Variants in PDPR observed in about 807,000 individuals in gnomAD.
The protein encoded by PDPR is pyruvate dehydrogenase phosphatase regulatory subunit.
In PDPR, 50 loss-of-function variants were observed where a neutral mutation model predicts 102.2. The observed-to-expected ratio is 0.49, with a 90% CI of 0.39 to 0.62. The LOEUF (loss-of-function observed/expected upper bound fraction) is 0.62. Among genes scored for constraint, PDPR ranks in the 20% least tolerant of loss-of-function variants. PDPR has a pLI of 0.00. For synonymous variants in PDPR, 259 were observed against 406.0 expected, an observed-to-expected ratio of 0.64 and a Z score of 4.35; for missense variants, 625 against 1,098.2, an observed-to-expected ratio of 0.57 and a Z score of 6.09.
chr16:70,149,580 C>T (rs1248404472), intron 17 of PDPR, among the ~76,000 whole-genome samples: 2 of 152,190 alleles, frequency 1.3e-5, no homozygotes, highest in Admixed American at 6.5e-5. Flanking sequence ...TTCACAATTT[C>T]TCTTAGAGCT....
rs1597380035 is a variant in PDPR, at chr16:70,153,072, G to A, written c.2053-319G>A. ...CTGTTTTAGAAATGATGATGAGATT[G>A]GCCATTTACCAAATGGTGAGAGAGC... On this transcript the variant is annotated intron_variant, in intron 17 of 18. Transcript: ENST00000288050. Among the ~76,000 whole-genome samples the A allele has an allele frequency of 3.3e-5, 5 of 152,286 alleles. No homozygotes were observed. The South Asian group carries it at 1.0e-3, about 31-fold the overall frequency.
intron 9 of PDPR, among the ~76,000 whole-genome samples, chr16:70,133,790 A>G (rs1490301800): frequency 2.0e-5 from 3 of 149,994 alleles, no homozygotes; most frequent in South Asian, 4.2e-4. Context: ...CTCAAGTGCA[A>G]TGGTGCGATC....
chr16:70,152,862 C>G (rs964078557), intron 17 of PDPR, among the ~76,000 whole-genome samples: 6 of 152,286 alleles, frequency 3.9e-5, no homozygotes, highest in Non-Finnish European at 5.9e-5. Flanking sequence ...TGCTGTGGGA[C>G]ATGAGCAGGC....
intron 18 of PDPR, among the ~76,000 whole-genome samples, chr16:70,153,907 C>T (rs558364067): frequency 4.1e-4 from 62 of 152,312 alleles, no homozygotes; most frequent in African/African-American, 1.2e-3. Context: ...AGGCCGGGCA[C>T]GGTGGCTCAC....
rs2287981 is a variant in PDPR at position 70,153,647 on chromosome 16, A to G, written c.2235+74A>G. 2.3e-5 allele frequency: 32 copies of G among 1,407,240 alleles called. No individual in the cohort carries two copies. In the East Asian group the frequency reaches 8.1e-4, roughly 36 times the overall value. 87.2% of individuals were successfully genotyped at this position (1,407,240 alleles called of 1,614,324 possible). ...AATCTGCACTAGACTAGGAAGAAGA[A>G]CTGATGTGACAGGAAAAGGGGGAAA... On this transcript the variant is annotated intron_variant, in intron 18 of 18. Coordinates refer to ENST00000288050, the MANE Select transcript of PDPR (RefSeq NM_017990.5).
In PDPR at chr16:70,162,425, T is replaced by TA. The variant is rs1967879891; in HGVS notation, c.*5546_*5547insA. ...CAGGGTGACCGAGCATTTCTGCCCCTGTGAATGTGGCACTAACACTGTGCA... is the reference window on the plus strand; with the variant it reads ...CAGGGTGACCGAGCATTTCTGCCCCTAGTGAATGTGGCACTAACACTGTGCA... On this transcript the variant is annotated 3_prime_UTR_variant, in exon 19 of 19. Transcript: ENST00000288050. 3.3e-5 allele frequency: 5 copies of TA among 152,582 alleles called. No homozygotes were observed. In the South Asian group the frequency reaches 1.0e-3, roughly 32 times the overall value. The allele number at this position is 152,582 out of a possible 1,614,324, so 9.5% of individuals were successfully genotyped here.
intron 3 of PDPR, among the ~76,000 whole-genome samples, chr16:70,126,357 A>G (rs1475692666): frequency 1.3e-5 from 2 of 152,166 alleles, no homozygotes; most frequent in Admixed American, 6.6e-5. Flanking sequence ...GCTAACTTTT[A>G]TCTTTATTTT....
At chr16:70,152,394 C>T (rs1000182830) in intron 17 of PDPR, among the ~76,000 whole-genome samples, 5 of 152,264 alleles carry the variant, frequency 3.3e-5, no homozygotes, top group Admixed American at 2.6e-4. Context: ...CGGCAGCCAC[C>T]TATAGTACCA....
intron 10 of PDPR, among the ~76,000 whole-genome samples, chr16:70,138,207 ATTTTTTTTTTTTTTTTT>A (rs1201065640): frequency 1.1e-5 from 1 of 94,048 alleles, no homozygotes; most frequent in African/African-American, 4.5e-5. Context: ...ACGCCGGCTA[ATTTTTTTTTTTTTTTTT>A]TTTTTTTTTT....
Position 70,132,256 on chromosome 16 carries a change from A to C in PDPR, c.953A>C (p.Asn318Thr). 6.2e-7 allele frequency: 1 copy of C among 1,614,018 alleles called. No homozygotes were observed. ...NPKPIFTEGK[N>T]QLEIQNLQED... ...AAACCAATTTTCACTGAGGGCAAGAACCAGCTGGAGATTCAGAATCTACAG... is the reference window on the plus strand; with the variant it reads ...AAACCAATTTTCACTGAGGGCAAGACCCAGCTGGAGATTCAGAATCTACAG... The change falls in exon 9 of 19, where the codon AAC becomes ACC. Residue 318 changes from asparagine to threonine, a missense_variant. Physicochemically the swap from Asn to Thr is moderately conservative, Grantham distance 65. Coordinates refer to ENST00000288050, the MANE Select transcript of PDPR (RefSeq NM_017990.5).
At chr16:70,125,416 T>C (rs1173457513) in intron 3 of PDPR, among the ~76,000 whole-genome samples, 2 of 151,538 alleles carry the variant, frequency 1.3e-5, no homozygotes, top group Non-Finnish European at 2.9e-5. Flanking sequence ...TAGCTGGGCA[T>C]GGTGACACAC....
intron 2 of PDPR, among the ~76,000 whole-genome samples, chr16:70,115,171 G>A (rs1398293265): frequency 6.6e-6 from 1 of 151,846 alleles, no homozygotes; most frequent in Non-Finnish European, 1.5e-5. Flanking sequence ...TCGCCCAGGC[G>A]GGAGTGCAGT....
intron 3 of PDPR, 131 bp downstream of exon 3, chr16:70,120,850 G>A (rs1219015576): frequency 1.6e-6 from 1 of 635,146 alleles, no homozygotes; most frequent in East Asian, 2.8e-5. Flanking sequence ...GAAGCAAGGT[G>A]GAATCTCCTG....
intron 15 of PDPR, 27 bp from the exon 16 acceptor site, chr16:70,146,107 G>A: frequency 1.2e-6 from 2 of 1,608,148 alleles, no homozygotes; most frequent in African/African-American, 1.3e-5. Context: ...AAGGAGAGCT[G>A]GACATCTCTT....
chr16:70,121,451 G>T (rs1963257876), intron 3 of PDPR, among the ~76,000 whole-genome samples: 1 of 151,486 alleles, frequency 6.6e-6, no homozygotes, highest in Non-Finnish European at 1.5e-5. Flanking sequence ...CAGCACTCTG[G>T]GAGGCTGAGG....
At chr16:70,155,084 C>T (rs1380328817) in intron 18 of PDPR, among the ~76,000 whole-genome samples, 5 of 152,114 alleles carry the variant, frequency 3.3e-5, no homozygotes, top group East Asian at 2.0e-4. Flanking sequence ...CCCAGCTACT[C>T]GGTAGGCTGA....
chr16:70,114,657 T>C lies in PDPR; in HGVS notation c.-142-164T>C, dbSNP rs2432280. ...TGTCCGCTCGTGCCTTGGCTTGTGT[T>C]CTCGGCTACCCCTGGGCGTGCGCAC... On this transcript the variant is annotated intron_variant, in intron 1 of 18. Coordinates refer to ENST00000288050, the MANE Select transcript of PDPR (RefSeq NM_017990.5). Among the ~76,000 whole-genome samples the C allele has an allele frequency of 4.6e-5, 7 of 152,216 alleles. No individual in the cohort carries two copies. In the East Asian group the frequency reaches 5.8e-4, roughly 13 times the overall value.
chr16:70,122,979 C>A (rs1259504690), intron 3 of PDPR, among the ~76,000 whole-genome samples: 4 of 152,326 alleles, frequency 2.6e-5, no homozygotes, highest in Admixed American at 2.6e-4. Context: ...CGGCTCACTG[C>A]AACCTGTGCC....
Position 70,120,591 on chromosome 16 carries a change from G to A in PDPR, c.99G>A (p.Glu33=). 6.2e-7 allele frequency: 1 copy of A among 1,614,008 alleles called. No homozygotes were observed. The highest frequency in any genetic ancestry group is 1.1e-5 in the South Asian group (1 of 91,086). The stretch of plus-strand genomic sequence containing the variant: ...CAAGAAACAGCACGTCAGCTGCCGA[G>A]GCGCGTTCCATGGCCCTGCCCACCC... The part of the protein sequence containing the change: ...SSARNSTSAA[E]ARSMALPTQA... Residue 33 remains glutamate, a synonymous_variant, in exon 3 of 19, where the codon GAG becomes GAA. Coordinates refer to ENST00000288050, the MANE Select transcript of PDPR (RefSeq NM_017990.5).
Sources: allele counts gnomAD v4.1 joint callset (sites outside exome capture counted in the v4.1 genomes callset), GRCh38; gene constraint gnomAD v4.1.1; transcripts MANE v1.5; gene names NCBI Gene and HGNC (gene_info 2026-07-23, HGNC 2026-07-21).